PREX2: variants seen among roughly 807,000 people sequenced by gnomAD.
PREX2 encodes the protein phosphatidylinositol-3,4,5-trisphosphate dependent Rac exchange factor 2.
In PREX2, 107 loss-of-function variants were observed where a neutral mutation model predicts 203.2. That is an observed-to-expected ratio of 0.53 (90% CI 0.45 to 0.62). The LOEUF is 0.62. PREX2 is among the 20% of genes least tolerant of loss of function. The probability of loss-of-function intolerance (pLI) is 0.00; values close to 1 mark genes in which losing one functional copy is unlikely to be tolerated. For synonymous variants in PREX2, 672 were observed against 663.6 expected, an observed-to-expected ratio of 1.01 and a Z score of -0.19; for missense variants, 1,777 against 1,955.9, an observed-to-expected ratio of 0.91 and a Z score of 1.72.
chr8:67,952,276 C>G lies in PREX2; in HGVS notation c.-119C>G, dbSNP rs1167944243. On this transcript the variant is annotated 5_prime_UTR_variant, in exon 1 of 40. Transcript: ENST00000288368. The stretch of plus-strand genomic sequence containing the variant: ...CCAGCATGTAAAGTCTTCTGTCTCT[C>G]CTCGGAGTTGGCGGAGGCGGCAACT... 2.5e-6 allele frequency: 2 copies of G among 814,864 alleles called. No homozygotes were observed. The highest frequency in any genetic ancestry group is 3.7e-5 in the African/African-American group (2 of 54,670). 50.5% of individuals were successfully genotyped at this position (814,864 alleles called of 1,614,324 possible).
chr8:68,019,843 T>G (rs1429102227), intron 3 of PREX2, among the ~76,000 whole-genome samples, 172 bp downstream of exon 3: 1 of 151,966 alleles, frequency 6.6e-6, no homozygotes, highest in Non-Finnish European at 1.5e-5. Context: ...AAGGGGAGAG[T>G]GCCTCACATC....
chr8:68,067,287 T>C (rs1220046199), intron 11 of PREX2, among the ~76,000 whole-genome samples: 1 of 152,132 alleles, frequency 6.6e-6, no homozygotes, highest in Non-Finnish European at 1.5e-5. Context: ...AGAAATCACA[T>C]TGAATCTGTA....
chr8:68,201,900 A>ATTTTTTT (rs869153263), intron 37 of PREX2, among the ~76,000 whole-genome samples: 4 of 98,256 alleles, frequency 4.1e-5, no homozygotes, highest in Non-Finnish European at 5.8e-5. Context: ...GGTAACACCT[A>ATTTTTTT]TTTTTTTTTT....
At chr8:68,027,442 A>G (rs1807761290) in intron 5 of PREX2, 119 bp downstream of exon 5, 2 of 683,610 alleles carry the variant, frequency 2.9e-6, no homozygotes, top group Admixed American at 2.8e-5. Context: ...GACCATAAGT[A>G]TTGGAAAAAA....
chr8:68,115,323 C>T (rs538529611), intron 25 of PREX2, among the ~76,000 whole-genome samples: 136 of 152,262 alleles, frequency 8.9e-4, no homozygotes, highest in African/African-American at 2.9e-3. Context: ...CCACAACACC[C>T]GGCTGATTAC....
chr8:68,104,720 C>T (rs555079099), intron 23 of PREX2, among the ~76,000 whole-genome samples: 5 of 152,302 alleles, frequency 3.3e-5, no homozygotes, highest in African/African-American at 4.8e-5. Context: ...TGTAACCTCC[C>T]GGAAGACAGG....
chr8:68,139,353 C>T lies in PREX2; in HGVS notation c.4087+836C>T, dbSNP rs556693131. ...AGCAGTGTCCCAGGCTCACTGGACT[C>T]TGAGGCTGGGAGCAGACATGGCATG... On this transcript the variant is annotated intron_variant, in intron 33 of 39. Transcript: ENST00000288368. Among the ~76,000 whole-genome samples, 11 of 152,150 alleles carry T rather than the reference C, an allele frequency of 7.2e-5. No homozygotes were observed. The East Asian group carries it at 2.1e-3, about 29-fold the overall frequency.
At chr8:68,056,319 T>A (rs1246876358) in intron 10 of PREX2, among the ~76,000 whole-genome samples, 1 of 152,052 alleles carries the variant, frequency 6.6e-6, no homozygotes, top group African/African-American at 2.4e-5. Context: ...TGTATACACA[T>A]GGGCCTGAAA....
chr8:68,091,731 C>T (rs1190569777), intron 20 of PREX2, among the ~76,000 whole-genome samples: 3 of 152,162 alleles, frequency 2.0e-5, no homozygotes, highest in Non-Finnish European at 4.4e-5. Context: ...AAAGTCTCAT[C>T]GGAAATGATC....
intron 1 of PREX2, among the ~76,000 whole-genome samples, chr8:67,953,393 A>G (rs934398875): frequency 2.0e-5 from 3 of 152,130 alleles, no homozygotes; most frequent in African/African-American, 7.2e-5. Flanking sequence ...AACTGCTGAG[A>G]TAACACTCAA....
At position 68,053,272 on chromosome 8, in the gene PREX2, A is replaced by G. The variant is rs751574822; in HGVS notation, c.1093+26A>G. On this transcript the variant is annotated intron_variant, in intron 9 of 39. Transcript: ENST00000288368. ...GTGGGTGTATGAATTGGGCGCTGTT[A>G]CACTTTGTGAAGACTCTAACTTAGC... 2.5e-6 allele frequency: 4 copies of G among 1,611,406 alleles called. No individual in the cohort carries two copies. The Admixed American group carries it at 5.0e-5, about 20-fold the overall frequency.
rs1447473954 is a variant in PREX2 at position 67,998,719 on chromosome 8, A to G, written c.142-19127A>G. On this transcript the variant is annotated intron_variant, in intron 1 of 39. Transcript: ENST00000288368. ...CAGGAGTTTGAGGCTGCAGTGAGCTATGACCATGCCATTGTTCTCCAGCCT... is the reference window on the plus strand; with the variant it reads ...CAGGAGTTTGAGGCTGCAGTGAGCTGTGACCATGCCATTGTTCTCCAGCCT... 2.6e-5 allele frequency among the ~76,000 whole-genome samples: 4 copies of G among 152,316 alleles called. 1 individual carries two copies. The South Asian group carries it at 8.3e-4, about 32-fold the overall frequency.
At position 68,099,687 on chromosome 8, in the gene PREX2, T is replaced by C. The variant is rs1810202465; in HGVS notation, c.2559T>C (p.Leu853=). The part of the protein sequence containing the change: ...KGFFSLTAKI[L]EALAKSDEHF... ...GTGTGTGTTTGTCATTGCAGATTCT[T>C]GAAGCCCTGGCTAAAAGTGATGAGC... is the stretch of plus-strand genomic sequence containing the variant. Residue 853 remains leucine, a synonymous_variant, in exon 23 of 40, where the codon CTT becomes CTC. Coordinates refer to ENST00000288368, the MANE Select transcript of PREX2 (RefSeq NM_024870.4). 1.2e-6 allele frequency: 2 copies of C among 1,613,098 alleles called. No individual in the cohort carries two copies. Among genetic ancestry groups the C allele is most frequent in the South Asian group, 2.2e-5 (2 of 91,052 alleles).
rs1813224671 is a variant in PREX2 at position 68,234,270 on chromosome 8, T to G, written c.*2892T>G. ...TTGAGGTTTTAGGATGTGTTTACCT[T>G]AATGCTACATGCTCCTCTATAACCA... is the stretch of plus-strand genomic sequence containing the variant. On this transcript the variant is annotated 3_prime_UTR_variant, in exon 40 of 40. Transcript: ENST00000288368. 1 of 152,198 alleles carries G rather than the reference T, an allele frequency of 6.6e-6. No homozygotes were observed. Among genetic ancestry groups the G allele is most frequent in the South Asian group, 2.1e-4 (1 of 4,834 alleles). 9.4% of individuals were successfully genotyped at this position (152,198 alleles called of 1,614,324 possible).
At chr8:68,039,851 C>T (rs1277206685) in intron 7 of PREX2, among the ~76,000 whole-genome samples, 1 of 152,122 alleles carries the variant, frequency 6.6e-6, no homozygotes, top group African/African-American at 2.4e-5. Flanking sequence ...TCCAGGCCAC[C>T]AGGATCCCTC....
chr8:68,178,209 C>T, intron 35 of PREX2, among the ~76,000 whole-genome samples: 1 of 152,282 alleles, frequency 6.6e-6, no homozygotes, highest in East Asian at 1.9e-4. Flanking sequence ...ATACTGTCTT[C>T]CGCAATGGTT....
intron 35 of PREX2, among the ~76,000 whole-genome samples, chr8:68,190,811 T>TA (rs1281417111): frequency 1.3e-5 from 2 of 151,300 alleles, no homozygotes; most frequent in African/African-American, 2.4e-5. Context: ...TTACCATCAC[T>TA]AAAAAAAATA....
intron 37 of PREX2, among the ~76,000 whole-genome samples, chr8:68,194,787 C>T (rs186461905): frequency 2.4e-4 from 31 of 128,614 alleles, no homozygotes; most frequent in Admixed American, 1.4e-3. Context: ...GGCAACAGAG[C>T]GAGACTGTGT....
intron 8 of PREX2, among the ~76,000 whole-genome samples, chr8:68,047,149 GTT>G (rs1808376093): frequency 6.6e-6 from 1 of 151,904 alleles, no homozygotes. Flanking sequence ...GTTGGGTTTG[GTT>G]GCACCCAGAA....
Sources: gnomAD v4.1 joint callset for allele counts (sites outside exome capture counted in the v4.1 genomes callset) on GRCh38, gnomAD v4.1.1 for gene constraint, MANE v1.5 for transcripts, NCBI Gene and HGNC (gene_info 2026-07-23, HGNC 2026-07-21) for gene names.